OPCML: variants seen among roughly 807,000 people sequenced by gnomAD.
OPCML encodes the protein opioid binding protein/cell adhesion molecule like.
OPCML carries 13 observed loss-of-function variants against 37.8 expected under a neutral mutation model. The ratio of observed to expected loss-of-function variants is 0.34; its 90% CI spans 0.22 to 0.55. OPCML has a LOEUF of 0.55. Among genes scored for constraint, OPCML ranks in the 20% least tolerant of loss-of-function variants. The pLI, the probability that OPCML is intolerant of heterozygous loss-of-function variation, is 0.91. For synonymous variants in OPCML, 176 were observed against 168.8 expected (o/e 1.04, Z -0.33); for missense variants, 341 against 435.6 (o/e 0.78, Z 1.93).
intron 1 of OPCML, among the ~76,000 whole-genome samples, chr11:133,171,366 G>A (rs557982448): frequency 4.3e-4 from 66 of 152,042 alleles, no homozygotes; most frequent in African/African-American, 1.5e-3. Context: ...GCCTCAATCC[G>A]CTCCACAGTC....
intron 1 of OPCML, among the ~76,000 whole-genome samples, chr11:133,093,324 G>A (rs1190817422): frequency 2.0e-5 from 3 of 149,762 alleles, no homozygotes; most frequent in Non-Finnish European, 1.5e-5. Context: ...TGGGATACAC[G>A]GATACATGTG....
chr11:133,143,805 C>T (rs1000835265), intron 1 of OPCML, among the ~76,000 whole-genome samples: 1 of 152,220 alleles, frequency 6.6e-6, no homozygotes, highest in Non-Finnish European at 1.5e-5. Flanking sequence ...TTAATAAATA[C>T]CATTGTTATT....
intron 1 of OPCML, among the ~76,000 whole-genome samples, chr11:133,425,806 T>G (rs952527219): frequency 3.9e-5 from 6 of 152,226 alleles, no homozygotes; most frequent in Admixed American, 1.3e-4. Flanking sequence ...TACATTCATC[T>G]CCTTGATTTA....
intron 1 of OPCML, among the ~76,000 whole-genome samples, chr11:133,280,732 G>A (rs148201936): frequency 6.6e-6 from 1 of 152,304 alleles, no homozygotes; most frequent in Non-Finnish European, 1.5e-5. Context: ...TGGTACCCTG[G>A]TTGCATAAAA....
intron 2 of OPCML, among the ~76,000 whole-genome samples, chr11:132,834,098 T>A (rs1940870417): frequency 6.6e-6 from 1 of 152,234 alleles, no homozygotes; most frequent in Non-Finnish European, 1.5e-5. Context: ...GGCTCATAGC[T>A]CCTTTTCTGA....
intron 1 of OPCML, among the ~76,000 whole-genome samples, chr11:133,386,703 C>T (rs1036857396): frequency 3.3e-5 from 5 of 152,240 alleles, no homozygotes; most frequent in African/African-American, 9.6e-5. Context: ...AAGCGCTAAG[C>T]AAATCACATC....
intron 1 of OPCML, among the ~76,000 whole-genome samples, chr11:133,162,516 T>C (rs1001032149): frequency 1.3e-5 from 2 of 152,196 alleles, no homozygotes; most frequent in Non-Finnish European, 2.9e-5. Flanking sequence ...GTCATGTCAG[T>C]GCTGGCAGTG....
At position 133,314,127 on chromosome 11, in the gene OPCML, T is replaced by C. The variant is rs1182454918; in HGVS notation, c.61+218137A>G. On this transcript the variant is annotated intron_variant, in intron 1 of 7. Transcript: ENST00000524381. ...GCGGGCGCCTGTAGTCCCAGCTACTTGGGAGGCTGAGGCAGGAGAATGGCG... is the reference window on the plus strand; with the variant it reads ...GCGGGCGCCTGTAGTCCCAGCTACTCGGGAGGCTGAGGCAGGAGAATGGCG... Among the ~76,000 whole-genome samples, 27 of 144,510 alleles carry C rather than the reference T, an allele frequency of 1.9e-4. 1 individual carries two copies. Among genetic ancestry groups the C allele is most frequent in the Middle Eastern group, 3.9e-3 (1 of 254 alleles). The allele number at this position is 144,510 out of a possible 152,430, so 94.8% of individuals were successfully genotyped here.
intron 1 of OPCML, among the ~76,000 whole-genome samples, chr11:133,305,169 ATG>A (rs1565561027): frequency 1.3e-5 from 2 of 152,188 alleles, no homozygotes; most frequent in East Asian, 1.9e-4. Context: ...TCTCACAGAG[ATG>A]TTGTGAGTAT....
chr11:133,384,760 G>A (rs531327786), intron 1 of OPCML, among the ~76,000 whole-genome samples: 10 of 152,290 alleles, frequency 6.6e-5, no homozygotes, highest in East Asian at 5.8e-4. Context: ...CAGTCCACCC[G>A]CTCTTGCCAT....
intron 1 of OPCML, among the ~76,000 whole-genome samples, chr11:133,217,013 C>T (rs552821670): frequency 6.6e-6 from 1 of 152,262 alleles, no homozygotes; most frequent in East Asian, 1.9e-4. Flanking sequence ...GGACATGTGG[C>T]TTGGCTTGGT....
At chr11:133,381,421 G>T (rs559706141) in intron 1 of OPCML, among the ~76,000 whole-genome samples, 80 of 152,344 alleles carry the variant, frequency 5.3e-4, no homozygotes, top group Non-Finnish European at 9.7e-4. Context: ...AATTCAGCTT[G>T]GAGCAGAGTG....
At chr11:133,378,010 A>ACAAAGTTT (rs1357300761) in intron 1 of OPCML, among the ~76,000 whole-genome samples, 9 of 152,244 alleles carry the variant, frequency 5.9e-5, no homozygotes, top group Non-Finnish European at 1.2e-4. Context: ...TATTGAGCTG[A>ACAAAGTTT]AATCGGTCTT....
At chr11:133,153,544 C>T (rs1950016740) in intron 1 of OPCML, among the ~76,000 whole-genome samples, 2 of 152,172 alleles carry the variant, frequency 1.3e-5, no homozygotes, top group South Asian at 4.1e-4. Flanking sequence ...GGCCTGCTCA[C>T]TCGAGAGCTG....
intron 3 of OPCML, among the ~76,000 whole-genome samples, chr11:132,635,326 T>C (rs772062964): frequency 1.3e-5 from 2 of 152,212 alleles, no homozygotes; most frequent in Non-Finnish European, 2.9e-5. Context: ...TTATTTCCAA[T>C]TCGATTCCTC....
rs867224235 is a variant in OPCML, at chr11:133,481,794, A to G, written c.61+50470T>C. On this transcript the variant is annotated intron_variant, in intron 1 of 7. Transcript: ENST00000524381. ...GGACAGTGTTCATAACCTTTAAACA[A>G]AACTAATGTAAGGTGTTGACTATTC... Among the ~76,000 whole-genome samples the G allele has an allele frequency of 3.3e-4, 50 of 152,358 alleles. No individual in the cohort carries two copies. In the Middle Eastern group the frequency reaches 0.01, roughly 31 times the overall value.
chr11:133,413,909 C>T lies in OPCML; in HGVS notation c.61+118355G>A, dbSNP rs573691522. Among the ~76,000 whole-genome samples the T allele has an allele frequency of 1.6e-4, 24 of 152,248 alleles. No homozygotes were observed. The East Asian group carries it at 4.6e-3, about 29-fold the overall frequency. On this transcript the variant is annotated intron_variant, in intron 1 of 7. Coordinates refer to ENST00000524381, the MANE Select transcript of OPCML (RefSeq NM_001012393.5). ...CGGAGAGCCCTGGAGCTGTGGGACC[C>T]AGCACAGGAGCACTGCAGTCCCTGG...
chr11:132,689,751 C>G (rs998215114), intron 2 of OPCML, among the ~76,000 whole-genome samples: 3 of 152,192 alleles, frequency 2.0e-5, no homozygotes, highest in South Asian at 4.1e-4. Context: ...ATCCAAGTAG[C>G]TGAACCTTAA....
At chr11:133,079,130 G>A (rs1296785387) in intron 1 of OPCML, among the ~76,000 whole-genome samples, 6 of 152,024 alleles carry the variant, frequency 3.9e-5, no homozygotes, top group Admixed American at 3.9e-4. Context: ...CCGGGCCCCT[G>A]GCTCTCTCTG....
Sources: gnomAD v4.1 joint callset for allele counts (sites outside exome capture counted in the v4.1 genomes callset) on GRCh38, gnomAD v4.1.1 for gene constraint, MANE v1.5 for transcripts, NCBI Gene and HGNC (gene_info 2026-07-23, HGNC 2026-07-21) for gene names.